Variants in RASGRP3 observed in about 807,000 individuals in gnomAD.
The protein encoded by RASGRP3 is RAS guanyl releasing protein 3.
Under a neutral mutation model 82.7 loss-of-function variants are expected in RASGRP3, and 54 were observed. That is an observed-to-expected ratio of 0.65 (90% confidence interval 0.52 to 0.82). The LOEUF (loss-of-function observed/expected upper bound fraction) is 0.82. RASGRP3 is among the 40% of genes least tolerant of loss of function. The pLI is 0.00. For synonymous variants in RASGRP3, 309 were observed against 300.5 expected (o/e 1.03, Z -0.29); for missense variants, 861 against 828.9 (o/e 1.04, Z -0.48).
intron 6 of RASGRP3, among the ~76,000 whole-genome samples, chr2:33,521,166 C>T (rs1351008098): frequency 1.3e-5 from 2 of 152,196 alleles, no homozygotes; most frequent in African/African-American, 4.8e-5. Context: ...GCTTGAGAAG[C>T]TCTGTACCAT....
Position 33,527,286 on chromosome 2 carries a change from G to A in RASGRP3, c.957G>A (p.Trp319Ter), listed in dbSNP as rs1352221731. The change falls in exon 10 of 18, where the codon TGG (tryptophan) becomes TGA (stop). Residue 319 changes from tryptophan to a stop codon, truncating the protein, a stop_gained. Transcript: ENST00000403687. LOFTEE classifies it high-confidence loss of function. ...LIAVHVIFPD[W>*]TEENKVNIVK... ...CTGTCCATGTCATTTTCCCAGACTG[G>A]ACAGAGGAGAACAAAGTGAACATTG... 6.2e-7 allele frequency: 1 copy of A among 1,613,840 alleles called. No homozygotes were observed. Among genetic ancestry groups the A allele is most frequent in the African/African-American group, 1.3e-5 (1 of 74,924 alleles).
intron 2 of RASGRP3, among the ~76,000 whole-genome samples, chr2:33,459,456 T>C (rs1159118546): frequency 1.3e-5 from 2 of 152,162 alleles, no homozygotes; most frequent in African/African-American, 4.8e-5. Context: ...GTCTATAACT[T>C]TGCATTGCTT....
intron 1 of RASGRP3, among the ~76,000 whole-genome samples, chr2:33,511,109 A>C (rs1396120809): frequency 1.3e-5 from 2 of 152,190 alleles, no homozygotes; most frequent in African/African-American, 4.8e-5. Context: ...AATAATTCAA[A>C]CCCTGGGAGA....
intron 2 of RASGRP3, among the ~76,000 whole-genome samples, chr2:33,449,369 T>C (rs951560585): frequency 2.0e-5 from 3 of 152,236 alleles, no homozygotes; most frequent in Non-Finnish European, 4.4e-5. Context: ...TAAGACATAA[T>C]ACGTTATACT....
chr2:33,527,598 T>A (rs1472188151), intron 10 of RASGRP3, among the ~76,000 whole-genome samples, 186 bp downstream of exon 10: 1 of 152,092 alleles, frequency 6.6e-6, no homozygotes, highest in African/African-American at 2.4e-5. Context: ...AACCAGCAAA[T>A]CTTGGGGCAA....
chr2:33,561,920 C>T (rs1442453926), intron 17 of RASGRP3, among the ~76,000 whole-genome samples: 1 of 152,108 alleles, frequency 6.6e-6, no homozygotes, highest in Non-Finnish European at 1.5e-5. Context: ...TTCCTTTAAA[C>T]TTCTTCTTTT....
At chr2:33,530,135 AC>A (rs1274463461) in intron 10 of RASGRP3, among the ~76,000 whole-genome samples, 1 of 152,202 alleles carries the variant, frequency 6.6e-6, no homozygotes, top group Non-Finnish European at 1.5e-5. Flanking sequence ...ATGGCTGACC[AC>A]AGCTGCCCCA....
chr2:33,466,024 T>C (rs1347600589), intron 2 of RASGRP3, among the ~76,000 whole-genome samples: 1 of 151,780 alleles, frequency 6.6e-6, no homozygotes, highest in East Asian at 1.9e-4. Flanking sequence ...ACATTGTAGC[T>C]GGTCACCCAA....
chr2:33,457,342 T>G (rs1477175261), intron 2 of RASGRP3, among the ~76,000 whole-genome samples: 6 of 152,200 alleles, frequency 3.9e-5, no homozygotes, highest in African/African-American at 1.4e-4. Context: ...GGATATATGT[T>G]TATGGTTTGT....
rs531580191 is a variant in RASGRP3, at chr2:33,468,651, C to T, written c.-261+20708C>T. 6.6e-5 allele frequency among the ~76,000 whole-genome samples: 10 copies of T among 152,254 alleles called. No individual in the cohort carries two copies. In the South Asian group the frequency reaches 1.5e-3, roughly 22 times the overall value. On this transcript the variant is annotated intron_variant, in intron 2 of 18. Coordinates refer to the RASGRP3 transcript ENST00000402538. Reference sequence around the variant, plus strand: ...TCCTGACCTCGTGATCCACCTGCCTCGGCCTCCCAAAGTGCTGGGATTACA... The same window carrying T: ...TCCTGACCTCGTGATCCACCTGCCTTGGCCTCCCAAAGTGCTGGGATTACA...
At position 33,496,390 on chromosome 2, in the gene RASGRP3, A is replaced by T. The variant is rs3927077; in HGVS notation, c.-260-15320A>T. Among the ~76,000 whole-genome samples the T allele has an allele frequency of 4.5e-3, 689 of 152,368 alleles. 18 individuals carry two copies. Among genetic ancestry groups the T allele is most frequent in the Admixed American group, 0.037 (561 of 15,302 alleles). On this transcript the variant is annotated intron_variant, in intron 1 of 17. Transcript: ENST00000403687. ...ATTTTATTTTAGGATCCACAGCACAATGAAGTAAGATATTGCTGATGTCAG... is the reference window on the plus strand; with the variant it reads ...ATTTTATTTTAGGATCCACAGCACATTGAAGTAAGATATTGCTGATGTCAG...
chr2:33,554,267 C>G (rs59544294), intron 14 of RASGRP3, among the ~76,000 whole-genome samples: 2 of 152,028 alleles, frequency 1.3e-5, no homozygotes, highest in African/African-American at 4.8e-5. Context: ...ACATTGTGAA[C>G]GGCACCCCCA....
intron 2 of RASGRP3, among the ~76,000 whole-genome samples, chr2:33,461,517 A>C (rs1378626191): frequency 6.6e-6 from 1 of 152,214 alleles, no homozygotes; most frequent in Non-Finnish European, 1.5e-5. Context: ...AGCTCAAGTG[A>C]TCCACCTGCC....
At chr2:33,449,861 TAAGA>T (rs1269311092) in intron 2 of RASGRP3, among the ~76,000 whole-genome samples, 1 of 152,214 alleles carries the variant, frequency 6.6e-6, no homozygotes, top group Non-Finnish European at 1.5e-5. Flanking sequence ...TTAGTAAAGA[TAAGA>T]AAGGTATTTT....
chr2:33,539,130 G>C lies in RASGRP3; in HGVS notation c.1198G>C (p.Val400Leu). 6.2e-7 allele frequency: 1 copy of C among 1,611,484 alleles called. No individual in the cohort carries two copies. Among genetic ancestry groups the C allele is most frequent in the Non-Finnish European group, 8.5e-7 (1 of 1,178,940 alleles). ...TSPTTPNKPV[V>L]PLEWALGVMP... is the part of the protein sequence containing the mutation. ...CCCTACGACGCCCAACAAGCCTGTG[G>C]TACCCCTGGAGTGGGCATTAGGGGT... Residue 400 changes from valine to leucine, a missense_variant, in exon 12 of 18, where the codon GTA becomes CTA. Physicochemically the swap from Val to Leu is conservative, Grantham distance 32. Transcript: ENST00000403687.
chr2:33,518,520 A>C (rs1671675579), intron 4 of RASGRP3, among the ~76,000 whole-genome samples: 1 of 152,188 alleles, frequency 6.6e-6, no homozygotes, highest in African/African-American at 2.4e-5. Context: ...GGCTACACCA[A>C]ATTATAAAAA....
intron 2 of RASGRP3, among the ~76,000 whole-genome samples, chr2:33,465,143 A>T (rs2150905583): frequency 6.6e-6 from 1 of 152,376 alleles, no homozygotes; most frequent in African/African-American, 2.4e-5. Context: ...TAAGGAAATT[A>T]AAAGTGCTAC....
intron 1 of RASGRP3, chr2:33,482,839 C>G (rs1668056258): frequency 1.3e-5 from 2 of 152,146 alleles, no homozygotes; most frequent in South Asian, 4.2e-4. Context: ...AGCTTTGTGA[C>G]AAGAGTCTCT....
At chr2:33,474,876 G>A (rs1371315777), upstream of RASGRP3, among the ~76,000 whole-genome samples, 1 of 152,170 alleles carries the variant, frequency 6.6e-6, no homozygotes, top group Non-Finnish European at 1.5e-5. Context: ...ACTTTCCTGA[G>A]GCTGTTGTCG....
Sources: gnomAD v4.1 joint callset for allele counts (sites outside exome capture counted in the v4.1 genomes callset) on GRCh38, gnomAD v4.1.1 for gene constraint, MANE v1.5 for transcripts, NCBI Gene and HGNC (gene_info 2026-07-23, HGNC 2026-07-21) for gene names.